Variants in CLMP observed in about 807,000 individuals in gnomAD.
The protein encoded by CLMP is CXADR-like membrane protein.
Under a neutral mutation model 45.2 loss-of-function variants are expected in CLMP, and 27 were observed. The observed-to-expected ratio is 0.60, with a 90% confidence interval of 0.44 to 0.82. The LOEUF (loss-of-function observed/expected upper bound fraction) is 0.82. Ranked by LOEUF, CLMP falls within the 40% of genes least tolerant of loss-of-function variation. The pLI is 0.00. For missense variants in CLMP, 403 were observed against 448.4 expected (o/e 0.90, Z 0.91); for synonymous variants, 167 against 171.4 (o/e 0.97, Z 0.20).
intron 1 of CLMP, among the ~76,000 whole-genome samples, chr11:123,189,550 A>G (rs1400835537): frequency 8.5e-5 from 13 of 152,238 alleles, no homozygotes; most frequent in Non-Finnish European, 1.9e-4. Context: ...CTGTCATAAT[A>G]TTCCTGCCCA....
chr11:123,194,672 C>T (rs1444863000), intron 1 of CLMP, among the ~76,000 whole-genome samples: 1 of 152,236 alleles, frequency 6.6e-6, no homozygotes, highest in East Asian at 1.9e-4. Context: ...TAAAGAGGAC[C>T]CTGCACATCA....
At chr11:123,123,091 C>T (rs1860840325) in intron 1 of CLMP, among the ~76,000 whole-genome samples, 1 of 151,998 alleles carries the variant, frequency 6.6e-6, no homozygotes. Flanking sequence ...AAATCTTTCG[C>T]TTTCTCTGTG....
chr11:123,181,869 G>A (rs1288091302), intron 1 of CLMP, among the ~76,000 whole-genome samples: 3 of 152,296 alleles, frequency 2.0e-5, no homozygotes, highest in Non-Finnish European at 2.9e-5. Flanking sequence ...GAAACAGCTC[G>A]AACTGAACGG....
chr11:123,149,232 T>C (rs770818348), intron 1 of CLMP, among the ~76,000 whole-genome samples: 2 of 152,184 alleles, frequency 1.3e-5, no homozygotes, highest in Non-Finnish European at 2.9e-5. Flanking sequence ...AAAGAATTCT[T>C]CCCTAGAGCC....
chr11:123,111,133 A>G (rs1232889255), intron 1 of CLMP, among the ~76,000 whole-genome samples: 1 of 151,858 alleles, frequency 6.6e-6, no homozygotes, highest in Non-Finnish European at 1.5e-5. Flanking sequence ...ATTTATACAA[A>G]AGGTCTAGTT....
intron 1 of CLMP, among the ~76,000 whole-genome samples, chr11:123,109,974 G>A (rs1316514184): frequency 6.6e-6 from 1 of 152,112 alleles, no homozygotes; most frequent in Non-Finnish European, 1.5e-5. Flanking sequence ...TGCAGTTATA[G>A]GTGAACAAAT....
At chr11:123,097,757 C>A in intron 2 of CLMP, 38 bp downstream of exon 2, 3 of 1,480,534 alleles carry the variant, frequency 2.0e-6, no homozygotes, top group South Asian at 2.7e-5. Context: ...TGCAGGAGGA[C>A]AAGAAGGAGG....
At chr11:123,182,308 C>T (rs1233817424) in intron 1 of CLMP, among the ~76,000 whole-genome samples, 1 of 152,206 alleles carries the variant, frequency 6.6e-6, no homozygotes, top group Non-Finnish European at 1.5e-5. Flanking sequence ...GCACAGATTC[C>T]ATCACTTCTG....
chr11:123,182,328 G>C (rs559296676), intron 1 of CLMP, among the ~76,000 whole-genome samples: 1 of 152,144 alleles, frequency 6.6e-6, no homozygotes, highest in African/African-American at 2.4e-5. Flanking sequence ...GTTTCCATCC[G>C]AGCGAGGTCA....
rs138315099 is a variant in CLMP at position 123,084,627 on chromosome 11, T to C, written c.273A>G (p.Ala91=). The change falls in exon 3 of 7, where the codon GCA becomes GCG. Residue 91 remains alanine, a synonymous_variant. Coordinates refer to ENST00000448775, the MANE Select transcript of CLMP (RefSeq NM_024769.5). Reference sequence around the variant, plus strand: ...GTTCAATCTGCAAGGAGGCATCTCCTGCCAGGAAATTGGAAGCAAAGGCCA... The same window carrying C: ...GTTCAATCTGCAAGGAGGCATCTCCCGCCAGGAAATTGGAAGCAAAGGCCA... ...GRVAFASNFL[A]GDASLQIEPL... is the part of the protein sequence containing the mutation. 1.4e-4 allele frequency: 225 copies of C among 1,614,238 alleles called. No individual in the cohort carries two copies. In the African/African-American group the frequency reaches 2.7e-3, roughly 20 times the overall value.
intron 1 of CLMP, among the ~76,000 whole-genome samples, chr11:123,100,382 GAA>G (rs534661450): frequency 0.024 from 3,227 of 135,726 alleles, 92 homozygotes; most frequent in African/African-American, 0.082. Flanking sequence ...CTCCCTCTCA[GAA>G]AAAAAAAAAA....
chr11:123,182,542 C>T (rs565003549), intron 1 of CLMP, among the ~76,000 whole-genome samples: 2 of 152,336 alleles, frequency 1.3e-5, no homozygotes, highest in South Asian at 4.1e-4. Context: ...CTAATTATTT[C>T]TTCAATTATA....
intron 1 of CLMP, among the ~76,000 whole-genome samples, chr11:123,142,092 C>G (rs1237128843): frequency 6.6e-6 from 1 of 151,656 alleles, no homozygotes; most frequent in Admixed American, 6.6e-5. Flanking sequence ...TCAAGCGATC[C>G]TCCTGTCTCA....
At chr11:123,088,949 A>G (rs1865895958) in intron 2 of CLMP, among the ~76,000 whole-genome samples, 1 of 152,138 alleles carries the variant, frequency 6.6e-6, no homozygotes, top group South Asian at 2.1e-4. Context: ...TATTTGGGTT[A>G]GCATCCAGAG....
chr11:123,160,151 G>A (rs1020074541), intron 1 of CLMP, among the ~76,000 whole-genome samples: 7 of 151,698 alleles, frequency 4.6e-5, no homozygotes, highest in East Asian at 1.9e-4. Context: ...ATGGTGTCAC[G>A]TCCCTGTAGT....
intron 2 of CLMP, among the ~76,000 whole-genome samples, chr11:123,089,424 CATGAGT>C: frequency 6.6e-6 from 1 of 151,902 alleles, no homozygotes; most frequent in South Asian, 2.1e-4. Context: ...ACATAAGTTT[CATGAGT>C]ATATGTGCAG....
intron 1 of CLMP, among the ~76,000 whole-genome samples, chr11:123,114,123 T>G (rs930255216): frequency 1.3e-5 from 2 of 152,170 alleles, no homozygotes; most frequent in African/African-American, 4.8e-5. Context: ...TCAGAGAGAT[T>G]CGAACAGAGG....
At chr11:123,096,185 C>G (rs561424814) in intron 2 of CLMP, among the ~76,000 whole-genome samples, 22 of 152,052 alleles carry the variant, frequency 1.4e-4, no homozygotes, top group Non-Finnish European at 2.9e-4. Context: ...GACACTCAAT[C>G]TCTACTAAAA....
chr11:123,147,802 G>A (rs1861259554), intron 1 of CLMP, among the ~76,000 whole-genome samples: 1 of 151,274 alleles, frequency 6.6e-6, no homozygotes, highest in African/African-American at 2.4e-5. Context: ...TGCCTTAGTG[G>A]TTAAAGACAC....
Sources: gnomAD v4.1 joint callset for allele counts (sites outside exome capture counted in the v4.1 genomes callset) on GRCh38, gnomAD v4.1.1 for gene constraint, MANE v1.5 for transcripts, NCBI Gene and HGNC (gene_info 2026-07-23, HGNC 2026-07-21) for gene names.